Variants in MTF2 observed in about 807,000 individuals in gnomAD.
The protein encoded by MTF2 is metal response element binding transcription factor 2.
MTF2 carries 11 observed loss-of-function variants against 79.5 expected under a neutral mutation model. The observed-to-expected ratio is 0.14, with a 90% CI of 0.09 to 0.23. MTF2 has a LOEUF of 0.23. MTF2 is among the 10% of genes least tolerant of loss of function. The pLI is 1.00. For synonymous variants in MTF2, 208 were observed against 232.8 expected, an observed-to-expected ratio of 0.89 and a Z score of 0.97; for missense variants, 486 against 711.2, an observed-to-expected ratio of 0.68 and a Z score of 3.60.
intron 12 of MTF2, 60 bp downstream of exon 12, chr1:93,133,868 C>T: frequency 6.5e-7 from 1 of 1,527,178 alleles, no homozygotes. Context: ...AACTGAGAAG[C>T]TAGTATTTTT....
At chr1:93,124,631 G>A (rs1265053005) in intron 9 of MTF2, among the ~76,000 whole-genome samples, 2 of 151,948 alleles carry the variant, frequency 1.3e-5, no homozygotes, top group African/African-American at 4.8e-5. Flanking sequence ...TTTATAAGTG[G>A]AAATTATAAG....
intron 1 of MTF2, among the ~76,000 whole-genome samples, chr1:93,099,923 T>C (rs1318434400): frequency 6.6e-6 from 1 of 152,212 alleles, no homozygotes; most frequent in Non-Finnish European, 1.5e-5. Flanking sequence ...ATACCACTTA[T>C]CTTTGCATGA....
intron 3 of MTF2, among the ~76,000 whole-genome samples, chr1:93,113,216 C>CAA (rs34291057): frequency 0.2 from 21,365 of 106,734 alleles, 1,884 homozygotes; most frequent in African/African-American, 0.26. Flanking sequence ...CCTGTCGCTA[C>CAA]AAAAAAAAAA....
chr1:93,122,825 TATA>T (rs931448730), intron 9 of MTF2, among the ~76,000 whole-genome samples: 6 of 152,146 alleles, frequency 3.9e-5, no homozygotes, highest in Non-Finnish European at 8.8e-5. Flanking sequence ...GTACTGTAAT[TATA>T]ATTGGATTTT....
At chr1:93,117,892 G>T (rs6689867) in intron 6 of MTF2, among the ~76,000 whole-genome samples, 1 of 152,052 alleles carries the variant, frequency 6.6e-6, no homozygotes, top group Non-Finnish European at 1.5e-5. Context: ...TAGCTTGGTG[G>T]TGCATGCCTG....
intron 6 of MTF2, among the ~76,000 whole-genome samples, chr1:93,116,905 A>G (rs1656269963): frequency 6.6e-6 from 1 of 152,214 alleles, no homozygotes; most frequent in Non-Finnish European, 1.5e-5. Context: ...GATAGTAGTC[A>G]GAACACATGC....
At chr1:93,111,033 C>T (rs759563011) in intron 3 of MTF2, among the ~76,000 whole-genome samples, 67 of 151,942 alleles carry the variant, frequency 4.4e-4, no homozygotes, top group Admixed American at 3.9e-4. Context: ...TAGAAATATT[C>T]GTTAATAAGA....
At chr1:93,111,155 G>A (rs1656013474) in intron 3 of MTF2, among the ~76,000 whole-genome samples, 1 of 152,126 alleles carries the variant, frequency 6.6e-6, no homozygotes, top group Non-Finnish European at 1.5e-5. Context: ...TTGGTTATAG[G>A]TATGCTTCTT....
At chr1:93,082,927 T>C (rs935542868) in intron 1 of MTF2, among the ~76,000 whole-genome samples, 1 of 152,238 alleles carries the variant, frequency 6.6e-6, no homozygotes, top group African/African-American at 2.4e-5. Context: ...ATTTGCCTGT[T>C]CTGGACATTT....
intron 1 of MTF2, among the ~76,000 whole-genome samples, chr1:93,096,674 C>A (rs918745723): frequency 4.0e-5 from 6 of 151,844 alleles, no homozygotes; most frequent in Admixed American, 3.9e-4. Context: ...ATCTCTCCAA[C>A]TACTGCTTTA....
intron 1 of MTF2, among the ~76,000 whole-genome samples, chr1:93,107,127 C>T (rs955006751): frequency 7.9e-5 from 12 of 152,188 alleles, no homozygotes; most frequent in African/African-American, 2.9e-4. Flanking sequence ...AAGGCAGCGG[C>T]ATCAAACTGT....
chr1:93,137,151 A>G lies in MTF2; in HGVS notation c.*124A>G. 1.3e-6 allele frequency: 1 copy of G among 749,012 alleles called. No homozygotes were observed. Among genetic ancestry groups the G allele is most frequent in the Non-Finnish European group, 2.1e-6 (1 of 473,576 alleles). The allele number at this position is 749,012 out of a possible 1,614,324, so 46.4% of individuals were successfully genotyped here. ...AAAAAAAGTCAAAAAAATTCAAAAA[A>G]GGGGATGATACTAGCCTTAACATGT... On this transcript the variant is annotated 3_prime_UTR_variant, in exon 15 of 15. Transcript: ENST00000370298.
In MTF2 at chr1:93,120,897, ATAT is replaced by A. The variant is rs1201280801; in HGVS notation, c.921+230_921+232del. ...CTGGAAATTTGTAGAAGGAGGAGGT[ATAT>A]TATTTGATTCTTTCATTTTCTGAAG... On this transcript the variant is annotated intron_variant, in intron 9 of 14. Transcript: ENST00000370298. The A allele has an allele frequency of 3.1e-5, 37 of 1,210,644 alleles. No individual in the cohort carries two copies. In the African/African-American group the frequency reaches 5.6e-4, roughly 18 times the overall value. The allele number at this position is 1,210,644 out of a possible 1,614,324, so 75.0% of individuals were successfully genotyped here. A position where few individuals can be genotyped will look rare whatever the true frequency, so the allele number is the denominator to read the frequency against.
chr1:93,133,784 T>G lies in MTF2; in HGVS notation c.1242T>G (p.Ile414Met). The change falls in exon 12 of 15, where the codon ATT becomes ATG. Residue 414 changes from isoleucine to methionine, a missense_variant. Transcript: ENST00000370298. ...CTGGCCCATATACAAGAAAAATGAT[T>G]CAAAAAACTGCTGAGCCACTTTTGG... Reference protein sequence around the residue: ...RPPGPYTRKMIQKTAEPLLDK... With the variant: ...RPPGPYTRKMMQKTAEPLLDK... The G allele has an allele frequency of 3.1e-6, 5 of 1,610,864 alleles. No individual in the cohort carries two copies. The highest frequency in any genetic ancestry group is 4.2e-6 in the Non-Finnish European group (5 of 1,178,242).
chr1:93,137,118 T>TAAAAA lies in MTF2; in HGVS notation c.*101_*105dup. ...GGAGTCTGGCTTTTACTATCTTTCT[T>TAAAAA]AAAAAAAAAAAAAAGTCAAAAAAAT... On this transcript the variant is annotated 3_prime_UTR_variant, in exon 15 of 15. Coordinates refer to ENST00000370298, the MANE Select transcript of MTF2 (RefSeq NM_007358.4). 1.2e-6 allele frequency: 1 copy of TAAAAA among 821,502 alleles called. No homozygotes were observed. The highest frequency in any genetic ancestry group is 1.7e-6 in the Non-Finnish European group (1 of 578,666). The allele number at this position is 821,502 out of a possible 1,614,324, so 50.9% of individuals were successfully genotyped here. A position where few individuals can be genotyped will look rare whatever the true frequency, so the allele number is the denominator to read the frequency against.
chr1:93,137,234 G>T lies in MTF2; in HGVS notation c.*207G>T, dbSNP rs557398156. 7.0e-6 allele frequency: 3 copies of T among 427,920 alleles called. No homozygotes were observed. Among genetic ancestry groups the T allele is most frequent in the South Asian group, 1.2e-4 (2 of 16,158 alleles). The allele number at this position is 427,920 out of a possible 1,614,324, so 26.5% of individuals were successfully genotyped here. On this transcript the variant is annotated 3_prime_UTR_variant, in exon 15 of 15. Coordinates refer to ENST00000370298, the MANE Select transcript of MTF2 (RefSeq NM_007358.4). ...GGTATCTTTTAAAAATCAGAACAGA[G>T]ACTTAATTTTTTAAATCTTAAGATT...
rs542715203 is a variant in MTF2 at position 93,116,001 on chromosome 1, A to G, written c.632+383A>G. Among the ~76,000 whole-genome samples, 163 of 152,328 alleles carry G rather than the reference A, an allele frequency of 1.1e-3. 1 individual carries two copies. The highest frequency in any genetic ancestry group is 3.3e-3 in the African/African-American group (136 of 41,580). On this transcript the variant is annotated intron_variant, in intron 6 of 14. Transcript: ENST00000370298. ...TATAATTTAAATGGGAGAGTAAAAG[A>G]CAAGTTTTTTAAGACATAAAATCAA...
At chr1:93,093,768 A>G (rs1209885586) in intron 1 of MTF2, among the ~76,000 whole-genome samples, 1 of 152,110 alleles carries the variant, frequency 6.6e-6, no homozygotes. Context: ...GGCTATTCAC[A>G]GGCATGATCA....
chr1:93,127,247 A>C lies in MTF2; in HGVS notation c.937A>C (p.Lys313Gln). The change falls in exon 10 of 15, where the codon AAA becomes CAA. Residue 313 changes from lysine (K) to glutamine (Q), a missense_variant. Around this residue, in one of 4 missense-constraint regions of MTF2, gnomAD observed 177 missense variants for 364.0 expected, o/e 0.49. Transcript: ENST00000370298. ...TACTTCACAGCTGGCAGACACACCAAAATCTGAAAGATATGAGCATGTTCT... is the reference window on the plus strand; with the variant it reads ...TACTTCACAGCTGGCAGACACACCACAATCTGAAAGATATGAGCATGTTCT... ...LHPGELADTP[K>Q]SERYEHVLEA... is the part of the protein sequence containing the mutation. 6.2e-7 allele frequency: 1 copy of C among 1,612,676 alleles called. No homozygotes were observed. The highest frequency in any genetic ancestry group is 8.5e-7 in the Non-Finnish European group (1 of 1,178,892).
Sources: gnomAD v4.1 joint callset for allele counts (sites outside exome capture counted in the v4.1 genomes callset) on GRCh38, gnomAD v4.1.1 for gene constraint, gnomAD v4.1.1 regional missense constraint, MANE v1.5 for transcripts, NCBI Gene and HGNC (gene_info 2026-07-23, HGNC 2026-07-21) for gene names.